The following GALNT1 variants were observed in gnomAD, a reference collection of about 807,000 sequenced individuals.
The protein encoded by GALNT1 is GalNAc transferase 1.
A neutral mutation model predicts 65.7 loss-of-function variants in GALNT1; 17 were observed. The ratio of observed to expected loss-of-function variants is 0.26; its 90% CI spans 0.18 to 0.39. The LOEUF (loss-of-function observed/expected upper bound fraction) is 0.39, where lower values mean the gene tolerates loss of function less well. Among genes scored for constraint, GALNT1 ranks in the 10% least tolerant of loss-of-function variants. The probability of loss-of-function intolerance (pLI) is 1.00; values close to 1 mark genes in which losing one functional copy is unlikely to be tolerated. For missense variants in GALNT1, 460 were observed against 672.8 expected, an observed-to-expected ratio of 0.68 and a Z score of 3.50; for synonymous variants, 210 against 219.7, an observed-to-expected ratio of 0.96 and a Z score of 0.39.
At chr18:35,686,956 G>A (rs757491665) in intron 5 of GALNT1, 60 bp from the exon 6 acceptor site, 17 of 1,484,392 alleles carry the variant, frequency 1.1e-5, no homozygotes, top group Non-Finnish European at 1.5e-5. Flanking sequence ...CAATTGTTCT[G>A]TAGTTGGCAT....
chr18:35,587,357 A>G (rs911104282), intron 1 of GALNT1, among the ~76,000 whole-genome samples: 2 of 152,176 alleles, frequency 1.3e-5, no homozygotes, highest in African/African-American at 4.8e-5. Context: ...TTTTCTTGCC[A>G]TGTTGCACTG....
chr18:35,660,756 C>G (rs771185798), intron 2 of GALNT1, among the ~76,000 whole-genome samples: 2 of 152,100 alleles, frequency 1.3e-5, no homozygotes, highest in Non-Finnish European at 2.9e-5. Flanking sequence ...CATCCAAACT[C>G]GTTTGCCAAG....
chr18:35,635,995 C>T (rs2047083859), intron 1 of GALNT1, among the ~76,000 whole-genome samples: 1 of 152,044 alleles, frequency 6.6e-6, no homozygotes, highest in South Asian at 2.1e-4. Flanking sequence ...GCAGAAAGCA[C>T]ATCAGCCATA....
intron 1 of GALNT1, among the ~76,000 whole-genome samples, chr18:35,607,458 A>G (rs1253290564): frequency 6.6e-6 from 1 of 152,080 alleles, no homozygotes; most frequent in African/African-American, 2.4e-5. Flanking sequence ...GGTTCCTTGC[A>G]TGCATGCTGT....
At chr18:35,675,756 C>T (rs1259403524) in intron 3 of GALNT1, among the ~76,000 whole-genome samples, 1 of 152,118 alleles carries the variant, frequency 6.6e-6, no homozygotes, top group African/African-American at 2.4e-5. Flanking sequence ...CTTCCCAATT[C>T]TACAATAATA....
chr18:35,671,848 G>A (rs2047641304), intron 3 of GALNT1, among the ~76,000 whole-genome samples: 2 of 152,136 alleles, frequency 1.3e-5, no homozygotes, highest in South Asian at 4.1e-4. Context: ...TTTGATGTGA[G>A]CACTGATATT....
intron 1 of GALNT1, among the ~76,000 whole-genome samples, chr18:35,622,917 T>A (rs892282652): frequency 3.3e-5 from 5 of 152,124 alleles, no homozygotes; most frequent in African/African-American, 1.2e-4. Flanking sequence ...TTCTTTGTTT[T>A]AAGTGTCTTA....
chr18:35,661,691 A>G (rs1013052249), intron 2 of GALNT1, among the ~76,000 whole-genome samples: 5 of 152,010 alleles, frequency 3.3e-5, no homozygotes, highest in Non-Finnish European at 1.5e-5. Context: ...CTGGATTTGC[A>G]TCCCTTTAAT....
At chr18:35,598,023 A>T (rs9945115) in intron 1 of GALNT1, among the ~76,000 whole-genome samples, 1 of 57,678 alleles carries the variant, frequency 1.7e-5, no homozygotes, top group Non-Finnish European at 3.2e-5. Context: ...CCTCCCCTCC[A>T]ATCCCCTCCC....
At chr18:35,645,045 C>T (rs558969622) in intron 1 of GALNT1, among the ~76,000 whole-genome samples, 1 of 151,722 alleles carries the variant, frequency 6.6e-6, no homozygotes, top group South Asian at 2.1e-4. Context: ...TTCCCCAAAG[C>T]CTCATTTGGG....
intron 1 of GALNT1, among the ~76,000 whole-genome samples, chr18:35,626,390 CA>C (rs2046917413): frequency 2.6e-5 from 4 of 152,146 alleles, no homozygotes; most frequent in Admixed American, 2.6e-4. Context: ...ATGAGCAGGT[CA>C]TATACTAGGT....
At chr18:35,581,652 GCCGACCC>G (rs1324933496), upstream of GALNT1, 9 of 62 alleles carry the variant, frequency 0.15, no homozygotes, top group East Asian at 0.5. Context: ...CGGAGTAGCC[GCCGACCC>G]GAGCCGGGCG....
intron 1 of GALNT1, chr18:35,597,008 G>A (rs967341990): frequency 2.0e-5 from 3 of 152,216 alleles, no homozygotes; most frequent in African/African-American, 7.2e-5. Context: ...GAAGCTCACA[G>A]AACCGATGGA....
At chr18:35,694,073 A>G (rs1195606490) in intron 9 of GALNT1, among the ~76,000 whole-genome samples, 1 of 152,164 alleles carries the variant, frequency 6.6e-6, no homozygotes, top group Non-Finnish European at 1.5e-5. Context: ...ATTGAGGAAG[A>G]TGAGTACTTA....
intron 1 of GALNT1, among the ~76,000 whole-genome samples, chr18:35,645,530 G>T (rs919042078): frequency 3.3e-5 from 5 of 152,078 alleles, no homozygotes; most frequent in Middle Eastern, 3.4e-3. Flanking sequence ...GCACCTGGCC[G>T]GTTTATTTTA....
At chr18:35,701,657 G>T (rs188049240) in intron 9 of GALNT1, among the ~76,000 whole-genome samples, 2 of 152,156 alleles carry the variant, frequency 1.3e-5, no homozygotes, top group Non-Finnish European at 2.9e-5. Context: ...CAAGTTGTGG[G>T]AATAGTAATA....
At chr18:35,648,318 T>C (rs2047263343) in intron 1 of GALNT1, among the ~76,000 whole-genome samples, 1 of 152,222 alleles carries the variant, frequency 6.6e-6, no homozygotes, top group Non-Finnish European at 1.5e-5. Flanking sequence ...TTGTGTTAGA[T>C]GATTTTGCAC....
chr18:35,611,760 T>TA (rs1429056916), intron 1 of GALNT1, among the ~76,000 whole-genome samples: 1 of 152,244 alleles, frequency 6.6e-6, no homozygotes, highest in Non-Finnish European at 1.5e-5. Flanking sequence ...CACCACCAGC[T>TA]AATGGTAATA....
chr18:35,687,097 T>G lies in GALNT1; in HGVS notation c.771T>G (p.Gly257=). Reference sequence around the variant, plus strand: ...TGGCAGGCTCTGATATGACCTATGGTGGGTTCAACTGGAAGCTCAATTTTC... The same window carrying G: ...TGGCAGGCTCTGATATGACCTATGGGGGGTTCAACTGGAAGCTCAATTTTC... ...EYMAGSDMTY[G]GFNWKLNFRW... Residue 257 remains glycine (G), a synonymous_variant, in exon 6 of 12, where the codon GGT becomes GGG. Coordinates refer to ENST00000269195, the MANE Select transcript of GALNT1 (RefSeq NM_020474.4). 2 of 1,613,950 alleles carry G rather than the reference T, an allele frequency of 1.2e-6. No homozygotes were observed. The highest frequency in any genetic ancestry group is 1.7e-6 in the Non-Finnish European group (2 of 1,179,878).
Sources: allele counts gnomAD v4.1 joint callset (sites outside exome capture counted in the v4.1 genomes callset), GRCh38; gene constraint gnomAD v4.1.1; transcripts MANE v1.5; gene names NCBI Gene and HGNC (gene_info 2026-07-23, HGNC 2026-07-21).